Variants in PARD3B observed in about 807,000 individuals in gnomAD.
PARD3B encodes the protein par-3 family cell polarity regulator beta.
In PARD3B, 103 loss-of-function variants were observed where a neutral mutation model predicts 130.2. The observed-to-expected ratio is 0.79, with a 90% CI of 0.67 to 0.93. PARD3B has a LOEUF of 0.93. Ranked by LOEUF, PARD3B falls within the 40% of genes least tolerant of loss-of-function variation. The pLI is 0.00. For synonymous variants in PARD3B, 583 were observed against 553.2 expected, an observed-to-expected ratio of 1.05 and a Z score of -0.76; for missense variants, 1,609 against 1,499.2, an observed-to-expected ratio of 1.07 and a Z score of -1.21.
chr2:204,598,341 A>G (rs940400937), intron 1 of PARD3B, among the ~76,000 whole-genome samples: 5 of 152,158 alleles, frequency 3.3e-5, no homozygotes, highest in Admixed American at 1.3e-4. Context: ...TAATCCCACT[A>G]TCAGAGATAA....
chr2:204,747,687 G>T (rs573782658), intron 2 of PARD3B, among the ~76,000 whole-genome samples: 63 of 152,014 alleles, frequency 4.1e-4, no homozygotes, highest in Non-Finnish European at 7.8e-4. Flanking sequence ...ATACTACAAG[G>T]CTACAGTAAC....
At chr2:205,060,434 A>G (rs2125453421) in intron 4 of PARD3B, among the ~76,000 whole-genome samples, 1 of 152,308 alleles carries the variant, frequency 6.6e-6, no homozygotes, top group Middle Eastern at 3.4e-3. Context: ...ATGGGCTGAA[A>G]GCAGCAGAGT....
intron 21 of PARD3B, among the ~76,000 whole-genome samples, chr2:205,533,071 T>C (rs1049313513): frequency 1.3e-5 from 2 of 152,190 alleles, no homozygotes; most frequent in Non-Finnish European, 2.9e-5. Flanking sequence ...ATGAGTGTTA[T>C]AATAACACAA....
rs1042011675 is a variant in PARD3B, at chr2:205,021,771, G to T, written c.395-25810G>T. Among the ~76,000 whole-genome samples, 1 of 151,968 alleles carries T rather than the reference G, an allele frequency of 6.6e-6. No individual in the cohort carries two copies. The highest frequency in any genetic ancestry group is 1.5e-5 in the Non-Finnish European group (1 of 67,996). On this transcript the variant is annotated intron_variant, in intron 3 of 22. Coordinates refer to ENST00000406610, the MANE Select transcript of PARD3B (RefSeq NM_001302769.2). This position sits in a 1 kb window ranked among gnomAD's most constrained non-coding sequence, Gnocchi z 4.5. ...AGACTTAAGGAGGTTAAGGAATTGGGTCTAGTAATATATCAAGTCAATGGC... is the reference window on the plus strand; with the variant it reads ...AGACTTAAGGAGGTTAAGGAATTGGTTCTAGTAATATATCAAGTCAATGGC...
In PARD3B at chr2:205,446,423, T is replaced by C. The variant is rs1345143565; in HGVS notation, c.3044+5751T>C. ...TTATTTGTAAAAGGGAAGATTATAA[T>C]ATAGCCTTGCATCCTGTGATGGTTA... On this transcript the variant is annotated intron_variant, in intron 20 of 22. Coordinates refer to ENST00000406610, the MANE Select transcript of PARD3B (RefSeq NM_001302769.2). The surrounding 1 kb of genome is among the most constrained non-coding windows in gnomAD (Gnocchi z 4.4). Among the ~76,000 whole-genome samples the C allele has an allele frequency of 4.6e-5, 7 of 152,212 alleles. No homozygotes were observed. The highest frequency in any genetic ancestry group is 1.0e-4 in the Non-Finnish European group (7 of 68,042).
intron 1 of PARD3B, among the ~76,000 whole-genome samples, chr2:204,645,249 G>A (rs993892948): frequency 6.6e-6 from 1 of 152,000 alleles, no homozygotes; most frequent in Admixed American, 6.6e-5. Flanking sequence ...GAAACCTCAG[G>A]CCCTCTGATA....
At chr2:205,296,078 A>G (rs1356506129) in intron 16 of PARD3B, among the ~76,000 whole-genome samples, 1 of 152,184 alleles carries the variant, frequency 6.6e-6, no homozygotes, top group Non-Finnish European at 1.5e-5. Context: ...TCCCTCATTG[A>G]AATGTTTAGA....
intron 19 of PARD3B, among the ~76,000 whole-genome samples, chr2:205,417,857 C>T (rs2046833872): frequency 6.6e-6 from 1 of 152,216 alleles, no homozygotes; most frequent in African/African-American, 2.4e-5. Context: ...TCTCCGGGAA[C>T]CCCCAGTGGA....
chr2:204,748,613 A>G (rs939743985), intron 2 of PARD3B, among the ~76,000 whole-genome samples: 3 of 152,074 alleles, frequency 2.0e-5, no homozygotes, highest in Non-Finnish European at 4.4e-5. Context: ...AATTACTCAA[A>G]AGCTTATTAA....
At chr2:204,810,396 C>T (rs1467038769) in intron 2 of PARD3B, among the ~76,000 whole-genome samples, 1 of 152,050 alleles carries the variant, frequency 6.6e-6, no homozygotes, top group Admixed American at 6.6e-5. Flanking sequence ...ATACATGGCT[C>T]TTACCATTTT....
chr2:205,452,681 T>G (rs1158793267), intron 20 of PARD3B, among the ~76,000 whole-genome samples: 1 of 152,176 alleles, frequency 6.6e-6, no homozygotes, highest in Non-Finnish European at 1.5e-5. Context: ...AACTTGATGT[T>G]CTCATTAATT....
intron 3 of PARD3B, among the ~76,000 whole-genome samples, chr2:204,994,362 T>C (rs2125251274): frequency 9.9e-6 from 1 of 100,536 alleles, no homozygotes; most frequent in Non-Finnish European, 2.0e-5. Flanking sequence ...AGGAGCAGGT[T>C]GTTCAGTTTC....
In PARD3B at chr2:204,977,536, G is replaced by T. The variant is rs111470905; in HGVS notation, c.394+12213G>T. Among the ~76,000 whole-genome samples the T allele has an allele frequency of 2.6e-5, 4 of 152,156 alleles. No individual in the cohort carries two copies. The South Asian group carries it at 8.3e-4, about 32-fold the overall frequency. ...AATAGGGAGCCTTGGTAGGCCGGGC[G>T]CGGTGGCTCACGCCTGTAATCCCAG... On this transcript the variant is annotated intron_variant, in intron 3 of 22. Coordinates refer to ENST00000406610, the MANE Select transcript of PARD3B (RefSeq NM_001302769.2).
Position 205,230,887 on chromosome 2 carries a change from G to C in PARD3B, c.2141-14891G>C, listed in dbSNP as rs887952395. Among the ~76,000 whole-genome samples the C allele has an allele frequency of 1.3e-5, 2 of 152,024 alleles. No homozygotes were observed. The highest frequency in any genetic ancestry group is 2.9e-5 in the Non-Finnish European group (2 of 68,012). ...ATGGACTCTGGCTGTGTTCTGCCTG[G>C]TGTTGCTTTCCACCATGACAGGGTG... On this transcript the variant is annotated intron_variant, in intron 15 of 22. Coordinates refer to ENST00000406610, the MANE Select transcript of PARD3B (RefSeq NM_001302769.2). This position sits in a 1 kb window ranked among gnomAD's most constrained non-coding sequence, Gnocchi z 4.1.
chr2:205,324,359 C>T (rs1269232427), intron 18 of PARD3B, among the ~76,000 whole-genome samples: 1 of 151,962 alleles, frequency 6.6e-6, no homozygotes, highest in Non-Finnish European at 1.5e-5. Context: ...GTGTGATTGA[C>T]AATTTATGCT....
chr2:204,954,849 C>T (rs895873535), intron 2 of PARD3B, among the ~76,000 whole-genome samples: 6 of 152,166 alleles, frequency 3.9e-5, no homozygotes, highest in African/African-American at 9.7e-5. Flanking sequence ...TAGTAAGATA[C>T]TGTTTTTTCT....
rs138905277 is a variant in PARD3B at position 205,408,146 on chromosome 2, A to G, written c.2741+7023A>G. 2.1e-3 allele frequency among the ~76,000 whole-genome samples: 314 copies of G among 152,310 alleles called. 1 individual carries two copies. Among genetic ancestry groups the G allele is most frequent in the Non-Finnish European group, 3.5e-3 (236 of 68,020 alleles). On this transcript the variant is annotated intron_variant, in intron 19 of 22. Coordinates refer to ENST00000406610, the MANE Select transcript of PARD3B (RefSeq NM_001302769.2). ...TTCTTAGTTTTCTTTCCTTTTGGGA[A>G]GCCTTCCAAGAACTGCAGACTTCTC...
intron 2 of PARD3B, among the ~76,000 whole-genome samples, chr2:204,741,856 T>TG (rs367946014): frequency 0.015 from 1,789 of 116,388 alleles, 31 homozygotes; most frequent in African/African-American, 0.076. Context: ...CTAAAAGCAA[T>TG]TTTTTTTTTC....
chr2:204,809,126 T>G (rs375827650), intron 2 of PARD3B, among the ~76,000 whole-genome samples: 32 of 151,120 alleles, frequency 2.1e-4, no homozygotes, highest in Admixed American at 4.6e-4. Context: ...GGTTTGTCTG[T>G]TTTTTTTTCT....
Sources: allele counts gnomAD v4.1 joint callset (sites outside exome capture counted in the v4.1 genomes callset), GRCh38; gene constraint gnomAD v4.1.1; non-coding constraint Gnocchi (gnomAD v3.1); transcripts MANE v1.5; gene names NCBI Gene and HGNC (gene_info 2026-07-23, HGNC 2026-07-21).